Variants in ZFAND5 observed in about 807,000 individuals in gnomAD.
ZFAND5 encodes the protein zinc finger AN1-type containing 5.
Under a neutral mutation model 23.6 loss-of-function variants are expected in ZFAND5, and 4 were observed. The observed-to-expected ratio is 0.17, with a 90% CI of 0.08 to 0.39. The LOEUF (loss-of-function observed/expected upper bound fraction) is 0.39, where lower values mean the gene tolerates loss of function less well. Ranked by LOEUF, ZFAND5 falls within the 10% of genes least tolerant of loss-of-function variation. ZFAND5 has a pLI of 1.00. For missense variants in ZFAND5, 161 were observed against 253.7 expected (o/e 0.63, Z 2.48); for synonymous variants, 68 against 80.6 (o/e 0.84, Z 0.84).
Position 72,354,147 on chromosome 9 carries a change from C to A in ZFAND5, c.*1806G>T, listed in dbSNP as rs1357221418. 6.6e-6 allele frequency: 1 copy of A among 151,860 alleles called. No homozygotes were observed. Among genetic ancestry groups the A allele is most frequent in the Non-Finnish European group, 1.5e-5 (1 of 68,018 alleles). The allele number at this position is 151,860 out of a possible 1,614,324, so 9.4% of individuals were successfully genotyped here. A position where few individuals can be genotyped will look rare whatever the true frequency, so the allele number is the denominator to read the frequency against. ...TTGTAAACTAAGTCATACCTACTTT[C>A]TTCTTCAGAATTGTCATAAAACATC... On this transcript the variant is annotated 3_prime_UTR_variant, in exon 7 of 7. Coordinates refer to ENST00000376962, the MANE Select transcript of ZFAND5 (RefSeq NM_001102420.3).
chr9:72,355,732 A>AT lies in ZFAND5; in HGVS notation c.*220dup, dbSNP rs1564300665. On this transcript the variant is annotated 3_prime_UTR_variant, in exon 7 of 7. Coordinates refer to ENST00000376962, the MANE Select transcript of ZFAND5 (RefSeq NM_001102420.3). ...ACTTTGCTGTGCAGATTTTCATCCA[A>AT]TTTTTTTCAGGGGAGGGCATATACA... is the stretch of plus-strand genomic sequence containing the variant. 8 of 364,044 alleles carry AT rather than the reference A, an allele frequency of 2.2e-5. No homozygotes were observed. The highest frequency in any genetic ancestry group is 4.5e-5 in the Admixed American group (1 of 22,350). The allele number at this position is 364,044 out of a possible 1,614,324, so 22.6% of individuals were successfully genotyped here. A position where few individuals can be genotyped will look rare whatever the true frequency, so the allele number is the denominator to read the frequency against.
At position 72,351,443 on chromosome 9, in the gene ZFAND5, A is replaced by G. The variant is rs756759393; in HGVS notation, c.*4510T>C. The G allele has an allele frequency of 1.9e-4, 29 of 152,220 alleles. No homozygotes were observed. The highest frequency in any genetic ancestry group is 3.7e-4 in the Non-Finnish European group (25 of 68,040). The allele number at this position is 152,220 out of a possible 1,614,324, so 9.4% of individuals were successfully genotyped here. On this transcript the variant is annotated 3_prime_UTR_variant, in exon 7 of 7. Transcript: ENST00000376962. ...CAAAACAAAACAAAAAAAGTCTTAC[A>G]TTTATTAACTTTACTTCTATGGCTG...
intron 3 of ZFAND5, 141 bp downstream of exon 3, chr9:72,360,487 A>G: frequency 4.4e-6 from 5 of 1,129,548 alleles, no homozygotes; most frequent in Non-Finnish European, 1.3e-6. Flanking sequence ...AGTCATGTCA[A>G]GCACTTGGGC....
rs147964322 is a variant in ZFAND5 at position 72,357,974 on chromosome 9, A to G, written c.368-918T>C. Among the ~76,000 whole-genome samples the G allele has an allele frequency of 2.0e-3, 300 of 152,296 alleles. 5 individuals carry two copies. Among genetic ancestry groups the G allele is most frequent in the Middle Eastern group, 6.8e-3 (2 of 294 alleles). ...ATATCTACTTACATATAATTCAACT[A>G]CACCTGAAACACTATAAACTCAGGT... On this transcript the variant is annotated intron_variant, in intron 5 of 6. Transcript: ENST00000376962.
intron 5 of ZFAND5, among the ~76,000 whole-genome samples, chr9:72,357,919 T>C (rs1041046763): frequency 2.0e-5 from 3 of 152,152 alleles, no homozygotes; most frequent in African/African-American, 7.2e-5. Flanking sequence ...ACACTGCCAC[T>C]AGTTCTTTAA....
At chr9:72,362,784 T>C (rs1451601038) in intron 2 of ZFAND5, among the ~76,000 whole-genome samples, 1 of 152,180 alleles carries the variant, frequency 6.6e-6, no homozygotes, top group Non-Finnish European at 1.5e-5. Flanking sequence ...CTTGCTTTAA[T>C]ATTTCTCAGA....
intron 2 of ZFAND5, among the ~76,000 whole-genome samples, chr9:72,361,871 C>T (rs1842114079): frequency 6.6e-6 from 1 of 152,170 alleles, no homozygotes; most frequent in South Asian, 2.1e-4. Flanking sequence ...AGAGCATTTG[C>T]TTAAAGGAAA....
chr9:72,358,566 T>G (rs984176920), intron 5 of ZFAND5, among the ~76,000 whole-genome samples: 1 of 152,080 alleles, frequency 6.6e-6, no homozygotes, highest in Non-Finnish European at 1.5e-5. Flanking sequence ...GGCAAACTAA[T>G]GTGGTCAGTT....
At position 72,352,353 on chromosome 9, in the gene ZFAND5, C is replaced by G. The variant is rs1431599627; in HGVS notation, c.*3600G>C. 1 of 152,128 alleles carries G rather than the reference C, an allele frequency of 6.6e-6. No homozygotes were observed. Among genetic ancestry groups the G allele is most frequent in the Non-Finnish European group, 1.5e-5 (1 of 68,018 alleles). The allele number at this position is 152,128 out of a possible 1,614,324, so 9.4% of individuals were successfully genotyped here. The stretch of plus-strand genomic sequence containing the variant: ...AAAACAGACAAGAGTCAAATCAAGT[C>G]TTTGTACATATTCAAATATTTACAT... On this transcript the variant is annotated 3_prime_UTR_variant, in exon 7 of 7. Transcript: ENST00000376962.
At position 72,362,524 on chromosome 9, in the gene ZFAND5, AAT is replaced by A. The variant is rs1311642691; in HGVS notation, c.-10+944_-10+945del. ...TCAACCTACCTAAGTAATTTTAGTT[AAT>A]CTGATTCTTAAAATATTTGTTTTAG... On this transcript the variant is annotated intron_variant, in intron 2 of 6. Transcript: ENST00000376962. Among the ~76,000 whole-genome samples, 4 of 152,248 alleles carry A rather than the reference AAT, an allele frequency of 2.6e-5. No homozygotes were observed. In the East Asian group the frequency reaches 7.7e-4, roughly 29 times the overall value.
intron 2 of ZFAND5, among the ~76,000 whole-genome samples, chr9:72,361,044 T>C (rs966690451): frequency 2.0e-5 from 3 of 152,234 alleles, no homozygotes; most frequent in African/African-American, 7.2e-5. Flanking sequence ...ATTCTTGGTT[T>C]CAATTTATGA....
rs1248130834 is a variant in ZFAND5, at chr9:72,352,307, T to TCAAA, written c.*3642_*3645dup. On this transcript the variant is annotated 3_prime_UTR_variant, in exon 7 of 7. Coordinates refer to ENST00000376962, the MANE Select transcript of ZFAND5 (RefSeq NM_001102420.3). ...CAGCCTGGGCGACGGAGCCTCTGTC[T>TCAAA]CAAACAAACAAAACAAAACAAAAAC... 1 of 152,034 alleles carries TCAAA rather than the reference T, an allele frequency of 6.6e-6. No homozygotes were observed. The highest frequency in any genetic ancestry group is 2.4e-5 in the African/African-American group (1 of 41,392). The allele number at this position is 152,034 out of a possible 1,614,324, so 9.4% of individuals were successfully genotyped here. A position where few individuals can be genotyped will look rare whatever the true frequency, so the allele number is the denominator to read the frequency against.
intron 2 of ZFAND5, among the ~76,000 whole-genome samples, chr9:72,362,976 T>C (rs1010850492): frequency 6.6e-6 from 1 of 152,264 alleles, no homozygotes; most frequent in African/African-American, 2.4e-5. Context: ...AGCGTTCATA[T>C]ATCTAACATA....
At chr9:72,363,747 A>G (rs1187845639) in intron 1 of ZFAND5, 141 bp from the exon 2 acceptor site, 7 of 625,708 alleles carry the variant, frequency 1.1e-5, no homozygotes, top group East Asian at 1.4e-4. Context: ...CTCTTTAAAA[A>G]AAATCCTAAA....
intron 5 of ZFAND5, 53 bp downstream of exon 5, chr9:72,359,365 A>C (rs774438279): frequency 2.4e-4 from 379 of 1,568,966 alleles, no homozygotes; most frequent in Non-Finnish European, 3.1e-4. Flanking sequence ...CCCACCAGCC[A>C]TTTCTTGCAC....
chr9:72,356,304 C>T (rs7871040), intron 6 of ZFAND5, among the ~76,000 whole-genome samples: 3,750 of 152,310 alleles, frequency 0.025, 145 homozygotes, highest in African/African-American at 0.085. Context: ...GAACTTTTAA[C>T]TTCCTTTGAC....
rs530968066 is a variant in ZFAND5 at position 72,354,566 on chromosome 9, A to G, written c.*1387T>C. 6.5e-6 allele frequency: 1 copy of G among 152,760 alleles called. No homozygotes were observed. The highest frequency in any genetic ancestry group is 1.9e-4 in the East Asian group (1 of 5,192). The allele number at this position is 152,760 out of a possible 1,614,324, so 9.5% of individuals were successfully genotyped here. A position where few individuals can be genotyped will look rare whatever the true frequency, so the allele number is the denominator to read the frequency against. On this transcript the variant is annotated 3_prime_UTR_variant, in exon 7 of 7. Transcript: ENST00000376962. Reference sequence around the variant, plus strand: ...ATATGAACTATCTGTACACATCTGCAGGTCTAACTCAGAACTAAGGTACAT... The same window carrying G: ...ATATGAACTATCTGTACACATCTGCGGGTCTAACTCAGAACTAAGGTACAT...
Position 72,355,902 on chromosome 9 carries a change from T to C in ZFAND5, c.*51A>G. ...ATGCATCTGCTCTTTAATGTTTTCC[T>C]ACGATATATTAAAATAAAAACAAAG... On this transcript the variant is annotated 3_prime_UTR_variant, in exon 7 of 7. Coordinates refer to ENST00000376962, the MANE Select transcript of ZFAND5 (RefSeq NM_001102420.3). 1.3e-6 allele frequency: 2 copies of C among 1,549,494 alleles called. No homozygotes were observed. The highest frequency in any genetic ancestry group is 1.7e-6 in the Non-Finnish European group (2 of 1,146,276).
At chr9:72,360,852 G>T (rs752051125) in intron 2 of ZFAND5, 65 bp from the exon 3 acceptor site, 1 of 1,420,040 alleles carries the variant, frequency 7.0e-7, no homozygotes, top group Admixed American at 2.4e-5. Flanking sequence ...TATAATCATC[G>T]GTATACCGTT....
Sources: gnomAD v4.1 joint callset for allele counts (sites outside exome capture counted in the v4.1 genomes callset) on GRCh38, gnomAD v4.1.1 for gene constraint, MANE v1.5 for transcripts, NCBI Gene and HGNC (gene_info 2026-07-23, HGNC 2026-07-21) for gene names.